Variants in NGEF observed in about 807,000 individuals in gnomAD.
The protein encoded by NGEF is neuronal guanine nucleotide exchange factor.
In NGEF, 31 loss-of-function variants were observed where a neutral mutation model predicts 80.9. The ratio of observed to expected loss-of-function variants is 0.38; its 90% CI spans 0.29 to 0.52. The LOEUF is 0.52. NGEF is among the 20% of genes least tolerant of loss of function. The pLI, the probability that NGEF is intolerant of heterozygous loss-of-function variation, is 0.84. For missense variants in NGEF, 709 were observed against 926.2 expected, an observed-to-expected ratio of 0.77 and a Z score of 3.04; for synonymous variants, 371 against 370.2, an observed-to-expected ratio of 1.00 and a Z score of -0.03.
At position 232,892,907 on chromosome 2, in the gene NGEF, T is replaced by C; in HGVS notation, c.1133A>G (p.Lys378Arg). 1 of 1,613,214 alleles carries C rather than the reference T, an allele frequency of 6.2e-7. No individual in the cohort carries two copies. Among genetic ancestry groups the C allele is most frequent in the South Asian group, 1.1e-5 (1 of 91,064 alleles). ...SNQTYQERTYKQLLQEKAAFR... is the reference protein window; with the variant it reads ...SNQTYQERTYRQLLQEKAAFR... ...TGCCGGATACACTCACAGCAGCTGC[T>C]TATAGGTCCGCTCCTGGTAGGTCTG... is the stretch of plus-strand genomic sequence containing the variant. Residue 378 changes from lysine (K) to arginine (R), a missense_variant, in exon 7 of 15, where the codon AAG becomes AGG. Physicochemically the swap from Lys to Arg is conservative, Grantham distance 26. This residue lies in a region of NGEF where 426 missense variants were observed against 622.9 expected (regional missense o/e 0.68). Coordinates refer to ENST00000264051, the MANE Select transcript of NGEF (RefSeq NM_019850.3). The surrounding 1 kb of genome is among the most constrained non-coding windows in gnomAD (Gnocchi z 4.0).
chr2:233,011,006 C>T (rs3811589), intron 1 of NGEF, among the ~76,000 whole-genome samples: 28,936 of 151,992 alleles, frequency 0.19, 3,752 homozygotes, highest in African/African-American at 0.37. Flanking sequence ...AAGAGGCAGC[C>T]CATCCAGGCT....
chr2:232,996,525 G>A (rs939420790), intron 1 of NGEF, among the ~76,000 whole-genome samples: 2 of 152,168 alleles, frequency 1.3e-5, no homozygotes, highest in Admixed American at 6.5e-5. Flanking sequence ...ATTGGTTCCA[G>A]GACCCCCATA....
At chr2:233,008,856 A>C (rs1367628651) in intron 1 of NGEF, among the ~76,000 whole-genome samples, 1 of 148,038 alleles carries the variant, frequency 6.8e-6, no homozygotes, top group East Asian at 2.0e-4. Context: ...GGCTTAGTGC[A>C]GTGGTTTGAT....
chr2:232,889,625 C>A (rs528451812), intron 8 of NGEF, among the ~76,000 whole-genome samples: 1 of 152,324 alleles, frequency 6.6e-6, no homozygotes, highest in Admixed American at 6.5e-5. Context: ...TTCTGTTTCA[C>A]TTTTTCCAAG....
At chr2:232,910,881 T>A (rs1224845709) in intron 5 of NGEF, among the ~76,000 whole-genome samples, 1 of 152,254 alleles carries the variant, frequency 6.6e-6, no homozygotes. Context: ...TTCTATTGTG[T>A]ATTCCGGATG....
At chr2:232,880,645 G>A (rs969642378) in intron 14 of NGEF, among the ~76,000 whole-genome samples, 1 of 152,248 alleles carries the variant, frequency 6.6e-6, no homozygotes, top group Non-Finnish European at 1.5e-5. Flanking sequence ...AATTCTACAG[G>A]GGCTGGGAGG....
intron 3 of NGEF, among the ~76,000 whole-genome samples, chr2:232,956,442 G>A (rs181859660): frequency 6.6e-6 from 1 of 152,258 alleles, no homozygotes; most frequent in African/African-American, 2.4e-5. Context: ...TATCCATAAA[G>A]TATTGATAGA....
At chr2:232,928,558 C>T (rs901670954) in intron 3 of NGEF, among the ~76,000 whole-genome samples, 2 of 152,118 alleles carry the variant, frequency 1.3e-5, no homozygotes, top group African/African-American at 4.8e-5. Flanking sequence ...TCTGAAGCTC[C>T]GAGCCCGGCC....
Position 232,882,710 on chromosome 2 carries a change from G to A in NGEF, c.1758-445C>T, listed in dbSNP as rs560104775. Among the ~76,000 whole-genome samples, 450 of 152,290 alleles carry A rather than the reference G, an allele frequency of 3.0e-3. 4 individuals carry two copies. The highest frequency in any genetic ancestry group is 0.01 in the African/African-American group (429 of 41,558). ...AGTTGTGGGTAAGGGGCAGCTTCGG[G>A]GCCACGACGGGAGGAGGGCAGAGCC... On this transcript the variant is annotated intron_variant, in intron 12 of 14. Transcript: ENST00000264051.
chr2:232,917,996 C>G (rs1478858339), intron 5 of NGEF, among the ~76,000 whole-genome samples: 5 of 151,956 alleles, frequency 3.3e-5, no homozygotes, highest in Admixed American at 2.0e-4. Flanking sequence ...CTCTGTGGCC[C>G]AGGCTGGGGT....
At chr2:232,962,093 G>C (rs2097481286) in intron 3 of NGEF, among the ~76,000 whole-genome samples, 2 of 152,176 alleles carry the variant, frequency 1.3e-5, no homozygotes, top group African/African-American at 4.8e-5. Flanking sequence ...AGCAAATTCG[G>C]GTAGGCTTCT....
At chr2:232,952,801 C>T (rs1351942479) in intron 3 of NGEF, among the ~76,000 whole-genome samples, 1 of 150,310 alleles carries the variant, frequency 6.7e-6, no homozygotes, top group Non-Finnish European at 1.5e-5. Flanking sequence ...GACCCCATCT[C>T]TACTAAAAAA....
intron 3 of NGEF, among the ~76,000 whole-genome samples, chr2:232,944,857 T>G (rs980891145): frequency 9.3e-5 from 14 of 150,994 alleles, no homozygotes; most frequent in African/African-American, 3.4e-4. Flanking sequence ...GTTCAAGTGA[T>G]TCTCCTGCTT....
At chr2:232,917,101 C>A (rs1486016828) in intron 5 of NGEF, among the ~76,000 whole-genome samples, 2 of 152,188 alleles carry the variant, frequency 1.3e-5, no homozygotes, top group Non-Finnish European at 2.9e-5. Flanking sequence ...TGATAAAAAC[C>A]AGTGAATTCT....
At chr2:232,879,986 C>T (rs1411325509) in intron 14 of NGEF, among the ~76,000 whole-genome samples, 1 of 152,144 alleles carries the variant, frequency 6.6e-6, no homozygotes, top group African/African-American at 2.4e-5. Context: ...GCCCAGGAGA[C>T]CCCAAGGGCC....
intron 5 of NGEF, among the ~76,000 whole-genome samples, chr2:232,907,631 T>C (rs1245305249): frequency 2.0e-5 from 3 of 152,140 alleles, no homozygotes; most frequent in Admixed American, 6.5e-5. Context: ...TCAGCCTCAT[T>C]TATTTTTAAA....
chr2:232,907,375 T>C (rs1427596265), intron 5 of NGEF, among the ~76,000 whole-genome samples: 1 of 152,216 alleles, frequency 6.6e-6, no homozygotes, highest in Non-Finnish European at 1.5e-5. Flanking sequence ...CAGATTGTAC[T>C]GGCAGTCCAA....
chr2:232,898,672 G>A (rs778177042), intron 5 of NGEF, among the ~76,000 whole-genome samples: 1 of 152,162 alleles, frequency 6.6e-6, no homozygotes, highest in African/African-American at 2.4e-5. Context: ...TCATTCACTC[G>A]TTCGTTCCTT....
At chr2:233,003,536 C>G (rs1199195918) in intron 1 of NGEF, among the ~76,000 whole-genome samples, 1 of 152,186 alleles carries the variant, frequency 6.6e-6, no homozygotes, top group Non-Finnish European at 1.5e-5. Flanking sequence ...CTGGAGGACT[C>G]AGTCCCATTT....
Sources: allele counts gnomAD v4.1 joint callset (sites outside exome capture counted in the v4.1 genomes callset), GRCh38; gene constraint gnomAD v4.1.1; regional missense constraint gnomAD v4.1.1; non-coding constraint Gnocchi (gnomAD v3.1); transcripts MANE v1.5; gene names NCBI Gene and HGNC (gene_info 2026-07-23, HGNC 2026-07-21).